LEMD3: variants seen among roughly 807,000 people sequenced by gnomAD.
LEMD3 encodes the protein inner nuclear membrane protein Man1.
LEMD3 carries 33 observed loss-of-function variants against 95.2 expected under a neutral mutation model. The observed-to-expected ratio is 0.35, with a 90% confidence interval of 0.26 to 0.46. The LOEUF (loss-of-function observed/expected upper bound fraction) is 0.46. LEMD3 is among the 20% of genes least tolerant of loss of function. The pLI is 1.00. For synonymous variants in LEMD3, 525 were observed against 474.6 expected (o/e 1.11, Z -1.38); for missense variants, 1,210 against 1,192.8 (o/e 1.01, Z -0.21).
At chr12:65,235,544 G>GA (rs1170120496) in intron 4 of LEMD3, among the ~76,000 whole-genome samples, 8 of 151,814 alleles carry the variant, frequency 5.3e-5, no homozygotes, top group African/African-American at 4.8e-5. Flanking sequence ...AAGTACAATG[G>GA]AAAAAATACA....
intron 4 of LEMD3, among the ~76,000 whole-genome samples, chr12:65,227,754 G>A (rs1050766218): frequency 7.5e-5 from 8 of 106,758 alleles, no homozygotes; most frequent in African/African-American, 1.1e-4. Flanking sequence ...TTTTTTTTTG[G>A]CTCATCAGCT....
chr12:65,170,149 A>G lies in LEMD3; in HGVS notation c.553A>G (p.Ser185Gly). The G allele has an allele frequency of 6.8e-7, 1 of 1,480,252 alleles. No individual in the cohort carries two copies. 91.7% of individuals were successfully genotyped at this position (1,480,252 alleles called of 1,614,324 possible). A position where few individuals can be genotyped will look rare whatever the true frequency, so the allele number is the denominator to read the frequency against. The change falls in exon 1 of 13, where the codon AGC (serine) becomes GGC (glycine). Residue 185 changes from serine (S) to glycine (G), a missense_variant. Physicochemically the swap from Ser to Gly is moderately conservative, Grantham distance 56 (BLOSUM62 0). Coordinates refer to ENST00000308330, the MANE Select transcript of LEMD3 (RefSeq NM_014319.5). ...CCTGGCCGCCAGCGAGGTGACTAACAGCAACTCTGCAGAGCGAAGGAAGCC... is the reference window on the plus strand; with the variant it reads ...CCTGGCCGCCAGCGAGGTGACTAACGGCAACTCTGCAGAGCGAAGGAAGCC... ...APLAASEVTN[S>G]NSAERRKPHS...
At chr12:65,223,698 A>G (rs1210371319) in intron 4 of LEMD3, among the ~76,000 whole-genome samples, 1 of 151,242 alleles carries the variant, frequency 6.6e-6, no homozygotes, top group Non-Finnish European at 1.5e-5. Flanking sequence ...GTGTGCTTTG[A>G]TTTGGGAGTT....
At position 65,170,972 on chromosome 12, in the gene LEMD3, G is replaced by A. The variant is rs1369919709; in HGVS notation, c.1376G>A (p.Arg459Gln). The A allele has an allele frequency of 4.3e-6, 7 of 1,614,164 alleles. No individual in the cohort carries two copies. The African/African-American group carries it at 6.7e-5, about 15-fold the overall frequency. ...PEEELLQQFK[R>Q]EEVSPTGSFS... Reference sequence around the variant, plus strand: ...GAGGAACTTCTCCAGCAATTTAAACGGGAGGAGGTGTCCCCAACAGGGAGT... The same window carrying A: ...GAGGAACTTCTCCAGCAATTTAAACAGGAGGAGGTGTCCCCAACAGGGAGT... The change falls in exon 1 of 13, where the codon CGG becomes CAG. Residue 459 changes from arginine to glutamine, a missense_variant. Physicochemically the swap from Arg to Gln is conservative, Grantham distance 43. This residue lies in a region of LEMD3 where 461 missense variants were observed against 569.8 expected (regional missense o/e 0.81). Transcript: ENST00000308330.
chr12:65,230,133 G>A (rs1870576988), intron 4 of LEMD3, among the ~76,000 whole-genome samples: 1 of 152,102 alleles, frequency 6.6e-6, no homozygotes, highest in Non-Finnish European at 1.5e-5. Context: ...ATTTATTTCT[G>A]GGGTCTTTAT....
intron 1 of LEMD3, among the ~76,000 whole-genome samples, chr12:65,178,281 G>C (rs1868791991): frequency 6.6e-6 from 1 of 151,502 alleles, no homozygotes; most frequent in Admixed American, 6.6e-5. Context: ...GCATATACCA[G>C]TTTGATGATT....
chr12:65,197,946 A>T (rs1223668953), intron 1 of LEMD3, among the ~76,000 whole-genome samples: 1 of 152,140 alleles, frequency 6.6e-6, no homozygotes, highest in African/African-American at 2.4e-5. Context: ...GGAGATAATC[A>T]TTGAAGATGT....
rs1403104704 is a variant in LEMD3, at chr12:65,241,029, G to A, written c.2247G>A (p.Gln749=). ...GADFLVWRWI[Q]PSASCDKILV... is the part of the protein sequence containing the mutation. The stretch of plus-strand genomic sequence containing the variant: ...ATTTTCTGGTTTGGCGGTGGATCCA[G>A]CCTTCTGCATCCTGTGACAAAATAT... Residue 749 remains glutamine, a synonymous_variant, in exon 9 of 13, where the codon CAG becomes CAA. Coordinates refer to ENST00000308330, the MANE Select transcript of LEMD3 (RefSeq NM_014319.5). The A allele has an allele frequency of 9.9e-6, 16 of 1,614,052 alleles. No individual in the cohort carries two copies. Among genetic ancestry groups the A allele is most frequent in the African/African-American group, 1.3e-5 (1 of 75,038 alleles).
chr12:65,187,157 T>G (rs1237149113), intron 1 of LEMD3, among the ~76,000 whole-genome samples: 1 of 152,154 alleles, frequency 6.6e-6, no homozygotes, highest in Non-Finnish European at 1.5e-5. Context: ...AAAAGGGTTT[T>G]AGAAGCCATT....
intron 1 of LEMD3, among the ~76,000 whole-genome samples, chr12:65,189,889 C>T (rs556737535): frequency 3.9e-5 from 6 of 152,042 alleles, no homozygotes; most frequent in Admixed American, 6.6e-5. Flanking sequence ...AGACTTTGCC[C>T]GTAATACCTA....
At chr12:65,172,144 A>C (rs1023809946) in intron 1 of LEMD3, among the ~76,000 whole-genome samples, 1 of 152,192 alleles carries the variant, frequency 6.6e-6, no homozygotes, top group Non-Finnish European at 1.5e-5. Context: ...AAGGGGAGAG[A>C]GTCAGAGTTA....
intron 1 of LEMD3, among the ~76,000 whole-genome samples, chr12:65,208,495 A>C (rs954119712): frequency 6.6e-6 from 1 of 151,986 alleles, no homozygotes; most frequent in Non-Finnish European, 1.5e-5. Context: ...TAATTGGGAG[A>C]GGGTGTTATA....
At chr12:65,184,053 A>C (rs777432676) in intron 1 of LEMD3, among the ~76,000 whole-genome samples, 4 of 152,142 alleles carry the variant, frequency 2.6e-5, no homozygotes, top group Non-Finnish European at 4.4e-5. Context: ...GAAGTTTTCT[A>C]AGGGTTTCAG....
chr12:65,213,319 G>A (rs933622121), intron 2 of LEMD3, among the ~76,000 whole-genome samples: 1 of 152,012 alleles, frequency 6.6e-6, no homozygotes, highest in Non-Finnish European at 1.5e-5. Flanking sequence ...TCAACCTCCT[G>A]GGCTCAAGTT....
intron 4 of LEMD3, among the ~76,000 whole-genome samples, chr12:65,221,914 T>G (rs1870303969): frequency 6.6e-6 from 1 of 151,844 alleles, no homozygotes. Flanking sequence ...CTAATTTTTT[T>G]GTATTGTTAG....
chr12:65,228,394 A>AT (rs1193284667), intron 4 of LEMD3, among the ~76,000 whole-genome samples: 7 of 148,900 alleles, frequency 4.7e-5, no homozygotes, highest in African/African-American at 1.2e-4. Flanking sequence ...TTATTTATTT[A>AT]TTTATTTATT....
At position 65,170,245 on chromosome 12, in the gene LEMD3, G is replaced by C. The variant is rs763742183; in HGVS notation, c.649G>C (p.Val217Leu). The C allele has an allele frequency of 5.2e-6, 8 of 1,547,156 alleles. 1 individual carries two copies. In the East Asian group the frequency reaches 1.7e-4, roughly 32 times the overall value. ...GACCCCGCCGGGGAAAGATGGAGCA[G>C]TGGAGGACGAGGAAGGGGAGGGAGA... ...LQTPPGKDGA[V>L]EDEEGEGEDG... is the part of the protein sequence containing the mutation. The change falls in exon 1 of 13, where the codon GTG becomes CTG. Residue 217 changes from valine (V) to leucine (L), a missense_variant. Physicochemically the swap from Val to Leu is conservative, Grantham distance 32. This residue lies in a region of LEMD3 where 749 missense variants were observed against 622.9 expected (regional missense o/e 1.20). Transcript: ENST00000308330.
chr12:65,203,327 C>T (rs932117939), intron 1 of LEMD3, among the ~76,000 whole-genome samples: 1 of 152,084 alleles, frequency 6.6e-6, no homozygotes, highest in Non-Finnish European at 1.5e-5. Flanking sequence ...CTGCTTTTGC[C>T]ACGTCCCACA....
At position 65,169,670 on chromosome 12, in the gene LEMD3, GCCT is replaced by G. The variant is rs1350229089; in HGVS notation, c.75_77del (p.Leu26del). On this transcript the variant is annotated inframe_deletion, in exon 1 of 13. Coordinates refer to ENST00000308330, the MANE Select transcript of LEMD3 (RefSeq NM_014319.5). Reference sequence around the variant, plus strand: ...CTTTTCTCTCAGCTCCGCCGTTACGGCCTGTCTCCCGGACCAGTGACGGAGAGC... The same window carrying G: ...CTTTTCTCTCAGCTCCGCCGTTACGGGTCTCCCGGACCAGTGACGGAGAGC... 1 of 1,586,948 alleles carries G rather than the reference GCCT, an allele frequency of 6.3e-7. No homozygotes were observed. Among genetic ancestry groups the G allele is most frequent in the Non-Finnish European group, 8.6e-7 (1 of 1,167,664 alleles).
Sources: gnomAD v4.1 joint callset for allele counts (sites outside exome capture counted in the v4.1 genomes callset) on GRCh38, gnomAD v4.1.1 for gene constraint, gnomAD v4.1.1 regional missense constraint, MANE v1.5 for transcripts, NCBI Gene and HGNC (gene_info 2026-07-23, HGNC 2026-07-21) for gene names.